ZSCAN2: variants seen among roughly 807,000 people sequenced by gnomAD.
ZSCAN2 encodes zinc finger and SCAN domain containing 2, also known as zinc finger and SCAN domain-containing protein 2.
A neutral mutation model predicts 47.8 loss-of-function variants in ZSCAN2; 26 were observed. The observed-to-expected ratio is 0.54, with a 90% CI of 0.40 to 0.75. ZSCAN2 has a LOEUF of 0.75. ZSCAN2 is among the 30% of genes least tolerant of loss of function. The pLI, the probability that ZSCAN2 is intolerant of heterozygous loss-of-function variation, is 0.00. For missense variants in ZSCAN2, 732 were observed against 785.4 expected, an observed-to-expected ratio of 0.93 and a Z score of 0.81; for synonymous variants, 305 against 288.7, an observed-to-expected ratio of 1.06 and a Z score of -0.57.
rs936861700 is a variant in ZSCAN2, at chr15:84,606,589, C to G, written c.406+2256C>G. 7 of 1,613,914 alleles carry G rather than the reference C, an allele frequency of 4.3e-6. No individual in the cohort carries two copies. The South Asian group carries it at 7.7e-5, about 18-fold the overall frequency. On this transcript the variant is annotated intron_variant, in intron 2 of 2. Transcript: ENST00000546148. The stretch of plus-strand genomic sequence containing the variant: ...ACCAGTTTGTAATGAACTTCTGGAT[C>G]TCCAGTCAGATACTATGGAGGAGAG...
chr15:84,607,715 G>A (rs140946588), intron 2 of ZSCAN2, among the ~76,000 whole-genome samples: 1 of 152,170 alleles, frequency 6.6e-6, no homozygotes, highest in Non-Finnish European at 1.5e-5. Flanking sequence ...CACCACGTTG[G>A]TCAGACTGGT....
In ZSCAN2 at chr15:84,621,846, G is replaced by A; in HGVS notation, c.1651G>A (p.Ala551Thr). 6.2e-7 allele frequency: 1 copy of A among 1,614,154 alleles called. No homozygotes were observed. The highest frequency in any genetic ancestry group is 8.5e-7 in the Non-Finnish European group (1 of 1,180,026). Residue 551 changes from alanine (A) to threonine (T), a missense_variant, in exon 3 of 3, where the codon GCC becomes ACC. Ala to Thr is a moderately conservative substitution (Grantham distance 58, BLOSUM62 0). Coordinates refer to ENST00000546148, the MANE Select transcript of ZSCAN2 (RefSeq NM_181877.4). The surrounding 1 kb of genome is among the most constrained non-coding windows in gnomAD (Gnocchi z 5.7). ...CTCCATTCTGGTCATGCACCAGAGA[G>A]CCCATTTGGGAGACAAGCCCTACAG... ...RGSILVMHQR[A>T]HLGDKPYRCP...
chr15:84,609,043 T>C (rs944869652), intron 2 of ZSCAN2, among the ~76,000 whole-genome samples: 19 of 152,336 alleles, frequency 1.2e-4, no homozygotes, highest in African/African-American at 4.3e-4. Context: ...AGCTGACCTC[T>C]CCAGCCATCC....
intron 2 of ZSCAN2, among the ~76,000 whole-genome samples, chr15:84,608,267 C>A (rs539550757): frequency 6.6e-6 from 1 of 152,122 alleles, no homozygotes; most frequent in Admixed American, 6.6e-5. Flanking sequence ...CAATGGCTCA[C>A]GGCTGTAATC....
intron 2 of ZSCAN2, 58 bp from the exon 3 acceptor site, chr15:84,620,543 CT>C: frequency 7.0e-7 from 1 of 1,423,856 alleles, no homozygotes; most frequent in Non-Finnish European, 9.5e-7. Flanking sequence ...CCTTCGTTTT[CT>C]TTTGTCATCA....
At chr15:84,602,587 CTTTTTTTT>C (rs981357914) in intron 1 of ZSCAN2, among the ~76,000 whole-genome samples, 1 of 115,744 alleles carries the variant, frequency 8.6e-6, no homozygotes, top group Admixed American at 9.8e-5. Context: ...CTTTTCTTTT[CTTTTTTTT>C]TTTTTTTTTT....
intron 2 of ZSCAN2, among the ~76,000 whole-genome samples, chr15:84,619,695 C>CAA (rs779161945): frequency 5.3e-5 from 8 of 152,148 alleles, no homozygotes; most frequent in Non-Finnish European, 1.0e-4. Flanking sequence ...TAAAAAAACT[C>CAA]ATTCATGCAC....
chr15:84,608,313 C>T (rs534929074), intron 2 of ZSCAN2, among the ~76,000 whole-genome samples: 1 of 151,826 alleles, frequency 6.6e-6, no homozygotes, highest in Admixed American at 6.6e-5. Flanking sequence ...GTGGATCACT[C>T]GAGGCCAGGA....
chr15:84,613,273 A>T (rs1895604550), intron 2 of ZSCAN2, among the ~76,000 whole-genome samples: 1 of 151,874 alleles, frequency 6.6e-6, no homozygotes, highest in Non-Finnish European at 1.5e-5. Flanking sequence ...TATTTTGTTT[A>T]TTTGGTCTGA....
At chr15:84,604,469 C>A in intron 2 of ZSCAN2, 136 bp downstream of exon 2, 2 of 1,151,888 alleles carry the variant, frequency 1.7e-6, no homozygotes, top group Non-Finnish European at 2.4e-6. Flanking sequence ...TGTCTGCAGG[C>A]AGTCAGCGTG....
Position 84,620,996 on chromosome 15 carries a change from A to C in ZSCAN2, c.801A>C (p.Arg267Ser). Reference sequence around the variant, plus strand: ...TTAGTGATGGTTCAAATTTTAGTAGACACCAAACCACTCACACCGGGGAGA... The same window carrying C: ...TTAGTGATGGTTCAAATTTTAGTAGCCACCAAACCACTCACACCGGGGAGA... ...KSFSDGSNFS[R>S]HQTTHTGEKP... Residue 267 changes from arginine (R) to serine (S), a missense_variant, in exon 3 of 3, where the codon AGA becomes AGC. By Grantham distance (110) the Arg-to-Ser change is moderately radical. Coordinates refer to ENST00000546148, the MANE Select transcript of ZSCAN2 (RefSeq NM_181877.4). 1 of 1,613,916 alleles carries C rather than the reference A, an allele frequency of 6.2e-7. No individual in the cohort carries two copies. The highest frequency in any genetic ancestry group is 1.1e-5 in the South Asian group (1 of 91,058).
At chr15:84,615,553 C>A (rs1056767639) in intron 2 of ZSCAN2, among the ~76,000 whole-genome samples, 1 of 152,144 alleles carries the variant, frequency 6.6e-6, no homozygotes, top group Non-Finnish European at 1.5e-5. Context: ...TTGTCCCAAA[C>A]TGCTGGGCTC....
chr15:84,615,259 G>C (rs1895664708), intron 2 of ZSCAN2, among the ~76,000 whole-genome samples: 1 of 151,860 alleles, frequency 6.6e-6, no homozygotes, highest in African/African-American at 2.4e-5. Context: ...TGGCCTTTAA[G>C]TACTAGTTCT....
intron 2 of ZSCAN2, among the ~76,000 whole-genome samples, chr15:84,611,324 C>T (rs764388047): frequency 3.3e-5 from 5 of 151,834 alleles, no homozygotes; most frequent in Non-Finnish European, 7.4e-5. Context: ...GGCATGGTGG[C>T]ACACACCTAT....
At chr15:84,601,315 T>C (rs139063652) in intron 1 of ZSCAN2, 180 bp downstream of exon 1, 2 of 152,072 alleles carry the variant, frequency 1.3e-5, no homozygotes, top group Non-Finnish European at 2.9e-5. Flanking sequence ...CAGCGAACCG[T>C]CCCGGACGCG....
chr15:84,613,785 G>A (rs893557661), intron 2 of ZSCAN2, among the ~76,000 whole-genome samples: 1 of 149,274 alleles, frequency 6.7e-6, no homozygotes, highest in Non-Finnish European at 1.5e-5. Flanking sequence ...ACGATTCAAC[G>A]ATTCTCCTGC....
intron 2 of ZSCAN2, among the ~76,000 whole-genome samples, chr15:84,610,730 G>A (rs1021654510): frequency 1.1e-4 from 17 of 151,810 alleles, no homozygotes; most frequent in South Asian, 2.1e-4. Context: ...CAGGCAATTC[G>A]CCCGCCTCTG....
Position 84,604,173 on chromosome 15 carries a change from G to C in ZSCAN2, c.246G>C (p.Glu82Asp), listed in dbSNP as rs367952499. ...AGGGTGCACTCGGCCGCCTCCGAGAGCTCTGCCGGCGCTGGCTGAGACCAG... is the reference window on the plus strand; with the variant it reads ...AGGGTGCACTCGGCCGCCTCCGAGACCTCTGCCGGCGCTGGCTGAGACCAG... ...GPQGALGRLR[E>D]LCRRWLRPEV... The change falls in exon 2 of 3, where the codon GAG becomes GAC. Residue 82 changes from glutamate (E) to aspartate (D), a missense_variant. Glu to Asp is a conservative substitution (Grantham distance 45, BLOSUM62 2). Around this residue, in one of 2 missense-constraint regions of ZSCAN2, gnomAD observed 320 missense variants for 287.4 expected, o/e 1.11. Transcript: ENST00000546148. The C allele has an allele frequency of 3.0e-5, 48 of 1,613,676 alleles. 1 individual carries two copies. In the South Asian group the frequency reaches 5.1e-4, roughly 17 times the overall value.
At chr15:84,606,955 C>T (rs1225950364) in intron 2 of ZSCAN2, 2 of 789,750 alleles carry the variant, frequency 2.5e-6, no homozygotes, top group African/African-American at 3.8e-5. Context: ...GGCCGCGTGA[C>T]CTCTATTCTG....
Sources: gnomAD v4.1 joint callset for allele counts (sites outside exome capture counted in the v4.1 genomes callset) on GRCh38, gnomAD v4.1.1 for gene constraint, gnomAD v4.1.1 regional missense constraint, Gnocchi (gnomAD v3.1) non-coding constraint, MANE v1.5 for transcripts, NCBI Gene and HGNC (gene_info 2026-07-23, HGNC 2026-07-21) for gene names.